The following DSCAML1 variants were observed in gnomAD, a reference collection of about 807,000 sequenced individuals.
DSCAML1 encodes cell adhesion molecule DSCAML1.
Under a neutral mutation model 200.5 loss-of-function variants are expected in DSCAML1, and 38 were observed. The observed-to-expected ratio is 0.19, with a 90% CI of 0.15 to 0.25. The LOEUF (loss-of-function observed/expected upper bound fraction) is 0.25. DSCAML1 is among the 10% of genes least tolerant of loss of function. The probability of loss-of-function intolerance (pLI) is 1.00; values close to 1 mark genes in which losing one functional copy is unlikely to be tolerated. For missense variants in DSCAML1, 2,223 were observed against 2,858.8 expected (o/e 0.78, Z 5.07); for synonymous variants, 1,215 against 1,165.0 (o/e 1.04, Z -0.87).
Position 117,694,100 on chromosome 11 carries a change from A to T in DSCAML1, c.511+82691T>A, listed in dbSNP as rs908425627. Among the ~76,000 whole-genome samples, 4 of 128,980 alleles carry T rather than the reference A, an allele frequency of 3.1e-5. No homozygotes were observed. The Admixed American group carries it at 3.2e-4, about 10-fold the overall frequency. The allele number at this position is 128,980 out of a possible 152,430, so 84.6% of individuals were successfully genotyped here. A position where few individuals can be genotyped will look rare whatever the true frequency, so the allele number is the denominator to read the frequency against. On this transcript the variant is annotated intron_variant, in intron 3 of 32. Coordinates refer to ENST00000651296, the MANE Select transcript of DSCAML1 (RefSeq NM_020693.4). ...ATATACACATATATATATATTTTTTAAATTGAGATATGTGTCCATAGGCTG... is the reference window on the plus strand; with the variant it reads ...ATATACACATATATATATATTTTTTTAATTGAGATATGTGTCCATAGGCTG...
At chr11:117,685,035 C>T (rs2053381632) in intron 3 of DSCAML1, among the ~76,000 whole-genome samples, 1 of 152,238 alleles carries the variant, frequency 6.6e-6, no homozygotes, top group South Asian at 2.1e-4. Flanking sequence ...GGCCTGAGGC[C>T]CAAGGGCAGA....
chr11:117,692,438 C>T (rs183321862), intron 3 of DSCAML1, among the ~76,000 whole-genome samples: 12 of 152,136 alleles, frequency 7.9e-5, no homozygotes, highest in African/African-American at 2.4e-4. Context: ...ATCCCTCCCC[C>T]AAACACACTC....
intron 3 of DSCAML1, among the ~76,000 whole-genome samples, chr11:117,762,161 A>C (rs922674769): frequency 1.3e-5 from 2 of 152,214 alleles, no homozygotes; most frequent in African/African-American, 4.8e-5. Flanking sequence ...ACCACCTGTC[A>C]CAAGTATAAA....
Position 117,716,288 on chromosome 11 carries a change from T to C in DSCAML1, c.511+60503A>G, listed in dbSNP as rs142471775. On this transcript the variant is annotated intron_variant, in intron 3 of 32. Coordinates refer to ENST00000651296, the MANE Select transcript of DSCAML1 (RefSeq NM_020693.4). ...GGTCCCAGCCGTGTTGTTAACCAGC[T>C]GAACAAGCTTGAGCAAGTTACGTTC... 7.3e-3 allele frequency among the ~76,000 whole-genome samples: 1,113 copies of C among 152,358 alleles called. 13 individuals are homozygous for C. The highest frequency in any genetic ancestry group is 0.024 in the African/African-American group (1,014 of 41,582).
At chr11:117,436,998 CCCCA>C in intron 26 of DSCAML1, 120 bp downstream of exon 26, 1 of 1,338,436 alleles carries the variant, frequency 7.5e-7, no homozygotes, top group Non-Finnish European at 1.0e-6. Context: ...CCAGCATTTC[CCCCA>C]CCTGCATTCC....
chr11:117,473,431 A>G (rs1458237092), intron 14 of DSCAML1, among the ~76,000 whole-genome samples: 1 of 152,194 alleles, frequency 6.6e-6, no homozygotes, highest in Non-Finnish European at 1.5e-5. Context: ...CGGGAGGTGG[A>G]GGTTGCAGTG....
rs1461728619 is a variant in DSCAML1, at chr11:117,486,315, T to G, written c.2360-4153A>C. 6.0e-4 allele frequency among the ~76,000 whole-genome samples: 89 copies of G among 148,304 alleles called. 1 individual carries two copies. The highest frequency in any genetic ancestry group is 1.7e-3 in the African/African-American group (68 of 39,732). ...ATGGCAGATGTGAAAGTAGTGGATGTGAAAGTAGCGGATGTGAAAATGGCG... is the reference window on the plus strand; with the variant it reads ...ATGGCAGATGTGAAAGTAGTGGATGGGAAAGTAGCGGATGTGAAAATGGCG... On this transcript the variant is annotated intron_variant, in intron 11 of 32. Coordinates refer to ENST00000651296, the MANE Select transcript of DSCAML1 (RefSeq NM_020693.4).
At chr11:117,810,003 A>T (rs1012005334) in intron 1 of DSCAML1, among the ~76,000 whole-genome samples, 3 of 147,066 alleles carry the variant, frequency 2.0e-5, no homozygotes, top group Non-Finnish European at 1.5e-5. Context: ...ACATACACAC[A>T]TTCCCACACT....
chr11:117,727,623 G>A (rs924702551), intron 3 of DSCAML1, among the ~76,000 whole-genome samples: 2 of 152,208 alleles, frequency 1.3e-5, no homozygotes, highest in African/African-American at 4.8e-5. Flanking sequence ...TGTCGGCAGG[G>A]ATCAGGAGTC....
At chr11:117,781,704 C>T (rs1433034490) in intron 1 of DSCAML1, among the ~76,000 whole-genome samples, 2 of 152,226 alleles carry the variant, frequency 1.3e-5, no homozygotes, top group Admixed American at 1.3e-4. Flanking sequence ...TCACTTGGAT[C>T]GTCTGCTCCT....
chr11:117,631,112 T>A (rs2052163412), intron 3 of DSCAML1, among the ~76,000 whole-genome samples: 1 of 152,096 alleles, frequency 6.6e-6, no homozygotes, highest in South Asian at 2.1e-4. Flanking sequence ...GGGAAGAAAG[T>A]CACCCTCAGG....
At chr11:117,787,245 G>A (rs1565285307) in intron 1 of DSCAML1, among the ~76,000 whole-genome samples, 1 of 152,196 alleles carries the variant, frequency 6.6e-6, no homozygotes, top group Non-Finnish European at 1.5e-5. Flanking sequence ...GTTATGGTTG[G>A]ACGAGTTAAT....
At chr11:117,573,330 G>A (rs2050878575) in intron 3 of DSCAML1, among the ~76,000 whole-genome samples, 1 of 152,230 alleles carries the variant, frequency 6.6e-6, no homozygotes, top group African/African-American at 2.4e-5. Flanking sequence ...TTAGATTCCA[G>A]TCTGGAAGAA....
intron 1 of DSCAML1, among the ~76,000 whole-genome samples, chr11:117,786,510 G>C (rs1415598289): frequency 1.3e-5 from 2 of 152,136 alleles, no homozygotes; most frequent in African/African-American, 4.8e-5. Context: ...TCCACCGCTT[G>C]CTTGGGCATC....
chr11:117,442,872 C>T (rs2048096876), intron 21 of DSCAML1, among the ~76,000 whole-genome samples: 1 of 152,180 alleles, frequency 6.6e-6, no homozygotes, highest in Admixed American at 6.5e-5. Context: ...GTTGTCTTTG[C>T]AGCCCATGCC....
chr11:117,650,406 T>C (rs2052606613), intron 3 of DSCAML1, among the ~76,000 whole-genome samples: 1 of 151,458 alleles, frequency 6.6e-6, no homozygotes, highest in Non-Finnish European at 1.5e-5. Flanking sequence ...CAGATGTTAG[T>C]TGAAGAAATG....
intron 21 of DSCAML1, among the ~76,000 whole-genome samples, chr11:117,441,370 C>G (rs2048043138): frequency 1.3e-5 from 2 of 152,288 alleles, no homozygotes; most frequent in South Asian, 4.1e-4. Flanking sequence ...AGACGCTGAT[C>G]TGAGAGTCAG....
At position 117,502,207 on chromosome 11, in the gene DSCAML1, C is replaced by T. The variant is rs1043862014; in HGVS notation, c.2359+1638G>A. ...GCCTGAGGCACGTGGGGTCCCCTCA[C>T]ACACAGCCCAGCTCCTGACCGCTGT... On this transcript the variant is annotated intron_variant, in intron 11 of 32. Transcript: ENST00000651296. 7.3e-4 allele frequency among the ~76,000 whole-genome samples: 111 copies of T among 152,306 alleles called. 1 individual carries two copies. Among genetic ancestry groups the T allele is most frequent in the African/African-American group, 2.6e-3 (109 of 41,564 alleles).
intron 3 of DSCAML1, among the ~76,000 whole-genome samples, chr11:117,543,391 C>A (rs1279569933): frequency 6.6e-6 from 1 of 151,578 alleles, no homozygotes; most frequent in Non-Finnish European, 1.5e-5. Flanking sequence ...TGTATCTGTG[C>A]TGGCATGTTG....
Sources: allele counts gnomAD v4.1 joint callset (sites outside exome capture counted in the v4.1 genomes callset), GRCh38; gene constraint gnomAD v4.1.1; transcripts MANE v1.5; gene names NCBI Gene and HGNC (gene_info 2026-07-23, HGNC 2026-07-21).